The following BICC1 variants were observed in gnomAD, a reference collection of about 807,000 sequenced individuals.
The protein encoded by BICC1 is protein bicaudal C homolog 1.
Under a neutral mutation model 111.0 loss-of-function variants are expected in BICC1, and 43 were observed. The ratio of observed to expected loss-of-function variants is 0.39; its 90% CI spans 0.30 to 0.50. The LOEUF is 0.50. Ranked by LOEUF, BICC1 falls within the 20% of genes least tolerant of loss-of-function variation. The pLI is 0.88. For missense variants in BICC1, 1,091 were observed against 1,203.2 expected (o/e 0.91, Z 1.38); for synonymous variants, 467 against 434.4 (o/e 1.07, Z -0.93).
chr10:58,798,293 A>G (rs1008618300), intron 10 of BICC1, 106 bp from the exon 11 acceptor site: 9 of 860,844 alleles, frequency 1.0e-5, no homozygotes, highest in Non-Finnish European at 1.3e-5. Flanking sequence ...ATATTTAGAA[A>G]ATATCAGATT....
intron 1 of BICC1, among the ~76,000 whole-genome samples, chr10:58,580,027 A>AT (rs67834722): frequency 0.25 from 36,102 of 144,376 alleles, 4,767 homozygotes; most frequent in East Asian, 0.44. Flanking sequence ...CCTCTTAGCA[A>AT]TTTTTTTTTT....
At chr10:58,826,587 T>TAAAAATAC (rs1554837668) in intron 20 of BICC1, among the ~76,000 whole-genome samples, 3 of 150,704 alleles carry the variant, frequency 2.0e-5, no homozygotes, top group African/African-American at 2.4e-5. Flanking sequence ...TTCTCTCTAC[T>TAAAAATAC]AAAAATACAA....
chr10:58,737,651 C>G (rs1295294557), intron 3 of BICC1, among the ~76,000 whole-genome samples: 1 of 152,126 alleles, frequency 6.6e-6, no homozygotes, highest in Non-Finnish European at 1.5e-5. Flanking sequence ...ATTTCTAGTT[C>G]TAGATCCCTG....
At chr10:58,545,586 C>T (rs577987418) in intron 1 of BICC1, among the ~76,000 whole-genome samples, 1 of 152,268 alleles carries the variant, frequency 6.6e-6, no homozygotes, top group South Asian at 2.1e-4. Context: ...TAAAAGTTCT[C>T]AAAATTGCGC....
intron 18 of BICC1, 105 bp downstream of exon 18, chr10:58,814,091 G>A (rs752445304): frequency 1.5e-6 from 2 of 1,317,138 alleles, no homozygotes; most frequent in Non-Finnish European, 2.2e-6. Context: ...CAAGTGCTTG[G>A]TGTAATTCAC....
At chr10:58,684,543 C>G (rs574320113) in intron 2 of BICC1, among the ~76,000 whole-genome samples, 1 of 152,292 alleles carries the variant, frequency 6.6e-6, no homozygotes, top group East Asian at 1.9e-4. Flanking sequence ...ATTATTGCCT[C>G]AATTTCAGAG....
chr10:58,771,132 T>A (rs1011437768), intron 3 of BICC1, among the ~76,000 whole-genome samples: 1 of 152,060 alleles, frequency 6.6e-6, no homozygotes, highest in Non-Finnish European at 1.5e-5. Context: ...TTAGAGTGAG[T>A]TCACAGAAGG....
At chr10:58,688,580 C>T (rs868037934) in intron 2 of BICC1, among the ~76,000 whole-genome samples, 7 of 152,086 alleles carry the variant, frequency 4.6e-5, no homozygotes, top group Non-Finnish European at 7.4e-5. Flanking sequence ...CACATGCACA[C>T]GTATGTTTAT....
chr10:58,670,527 T>C (rs1356884432), intron 2 of BICC1, among the ~76,000 whole-genome samples: 2 of 152,148 alleles, frequency 1.3e-5, no homozygotes, highest in Non-Finnish European at 2.9e-5. Context: ...AAGAGAATAC[T>C]GGCAGGACTT....
At chr10:58,667,782 T>C (rs1459721468) in intron 2 of BICC1, among the ~76,000 whole-genome samples, 1 of 152,106 alleles carries the variant, frequency 6.6e-6, no homozygotes, top group East Asian at 1.9e-4. Flanking sequence ...GACATATCTA[T>C]ATGAACTAAT....
At chr10:58,804,764 C>T (rs1843658991) in intron 15 of BICC1, among the ~76,000 whole-genome samples, 2 of 151,906 alleles carry the variant, frequency 1.3e-5, no homozygotes, top group Non-Finnish European at 2.9e-5. Flanking sequence ...CAGCCTAACT[C>T]GATGTATTTA....
intron 2 of BICC1, among the ~76,000 whole-genome samples, chr10:58,645,573 A>C (rs976279918): frequency 6.6e-6 from 1 of 152,184 alleles, no homozygotes; most frequent in African/African-American, 2.4e-5. Context: ...CCAAGCATCT[A>C]ACCTGGCTGG....
chr10:58,798,706 A>G, intron 11 of BICC1, 146 bp downstream of exon 11: 1 of 737,756 alleles, frequency 1.4e-6, no homozygotes, highest in Non-Finnish European at 2.1e-6. Flanking sequence ...CTGATATGTA[A>G]ATTAGTTAAA....
In BICC1 at chr10:58,800,892, T is replaced by G. The variant is rs745500584; in HGVS notation, c.1861T>G (p.Cys621Gly). ...TTTTTTTTCCTTTTCCTCTGCAGGT[T>G]GTAATGATGCTTTTGTTGAAGTAGG... ...TSPKSSPTEG[C>G]NDAFVEVGMP... The change falls in exon 14 of 21, where the codon TGT (cysteine) becomes GGT (glycine). Residue 621 changes from cysteine (C) to glycine (G), a missense_variant and splice_region_variant. This residue lies in a region of BICC1 where 843 missense variants were observed against 900.8 expected (regional missense o/e 0.94). Coordinates refer to ENST00000373886, the MANE Select transcript of BICC1 (RefSeq NM_001080512.3). 222 of 1,593,912 alleles carry G rather than the reference T, an allele frequency of 1.4e-4. No homozygotes were observed. The highest frequency in any genetic ancestry group is 1.8e-4 in the Non-Finnish European group (216 of 1,172,126).
chr10:58,749,227 T>C (rs1841920024), intron 3 of BICC1, among the ~76,000 whole-genome samples: 1 of 152,150 alleles, frequency 6.6e-6, no homozygotes, highest in African/African-American at 2.4e-5. Context: ...TACTGATCTG[T>C]TTAATTGATC....
chr10:58,732,730 G>GT (rs1056079379), intron 3 of BICC1, among the ~76,000 whole-genome samples: 4 of 151,928 alleles, frequency 2.6e-5, no homozygotes, highest in African/African-American at 9.7e-5. Context: ...GCAGTGAGCT[G>GT]TATTTTGCAC....
intron 8 of BICC1, among the ~76,000 whole-genome samples, chr10:58,792,390 T>A (rs1225396863): frequency 6.6e-6 from 1 of 152,010 alleles, no homozygotes; most frequent in South Asian, 2.1e-4. Context: ...TTTTGATGAG[T>A]TAAGGCAGGG....
intron 1 of BICC1, among the ~76,000 whole-genome samples, chr10:58,592,442 A>G (rs746135984): frequency 5.3e-5 from 8 of 152,108 alleles, no homozygotes; most frequent in Non-Finnish European, 8.8e-5. Flanking sequence ...GCCAGTCGCA[A>G]TGGCTCAGAC....
At chr10:58,552,723 A>C (rs914097737) in intron 1 of BICC1, among the ~76,000 whole-genome samples, 1 of 152,192 alleles carries the variant, frequency 6.6e-6, no homozygotes, top group Non-Finnish European at 1.5e-5. Flanking sequence ...TTCTGAAACT[A>C]TCTAGCCAAG....
Sources: gnomAD v4.1 joint callset for allele counts (sites outside exome capture counted in the v4.1 genomes callset) on GRCh38, gnomAD v4.1.1 for gene constraint, gnomAD v4.1.1 regional missense constraint, MANE v1.5 for transcripts, NCBI Gene and HGNC (gene_info 2026-07-23, HGNC 2026-07-21) for gene names.